The following RIMKLB variants were observed in gnomAD, a reference collection of about 807,000 sequenced individuals.
RIMKLB encodes the protein beta-citrylglutamate synthase B.
A neutral mutation model predicts 32.0 loss-of-function variants in RIMKLB; 7 were observed. That is an observed-to-expected ratio of 0.22 (90% CI 0.12 to 0.41). The LOEUF is 0.41. Ranked by LOEUF, RIMKLB falls within the 10% of genes least tolerant of loss-of-function variation. The pLI is 1.00. For missense variants in RIMKLB, 289 were observed against 498.7 expected, an observed-to-expected ratio of 0.58 and a Z score of 4.00; for synonymous variants, 172 against 185.1, an observed-to-expected ratio of 0.93 and a Z score of 0.57.
intron 5 of RIMKLB, 131 bp downstream of exon 5, chr12:8,754,224 G>T: frequency 1.5e-6 from 1 of 656,094 alleles, no homozygotes; most frequent in Non-Finnish European, 2.7e-6. Context: ...ATGTAAATAT[G>T]ATTTTTACAC....
chr12:8,742,056 A>G (rs755718531), intron 2 of RIMKLB, among the ~76,000 whole-genome samples: 4 of 151,340 alleles, frequency 2.6e-5, no homozygotes, highest in South Asian at 2.1e-4. Context: ...ATGCGCCACC[A>G]TGCCCACCTA....
chr12:8,772,824 G>A (rs1294238527), intron 5 of RIMKLB, among the ~76,000 whole-genome samples: 1 of 152,206 alleles, frequency 6.6e-6, no homozygotes, highest in African/African-American at 2.4e-5. Context: ...CAAGGCCAAA[G>A]ACTTCACTTA....
At chr12:8,780,495 GA>G (rs1396864082), downstream of RIMKLB, 1 of 152,156 alleles carries the variant, frequency 6.6e-6, no homozygotes, top group Admixed American at 6.5e-5. Context: ...GCAAAAATAC[GA>G]AATGTTAAAC....
intron 1 of RIMKLB, among the ~76,000 whole-genome samples, chr12:8,710,064 G>C (rs915729941): frequency 6.6e-6 from 1 of 151,950 alleles, no homozygotes; most frequent in Non-Finnish European, 1.5e-5. Flanking sequence ...TGGGGTCACT[G>C]CAGTTTCGAC....
chr12:8,677,248 C>T (rs1010249014), upstream of RIMKLB, among the ~76,000 whole-genome samples: 3 of 152,170 alleles, frequency 2.0e-5, no homozygotes, highest in Non-Finnish European at 4.4e-5. Context: ...TCTTCCCGCA[C>T]AGTGCACCCC....
At chr12:8,756,878 G>T (rs1949082733) in intron 5 of RIMKLB, among the ~76,000 whole-genome samples, 1 of 151,810 alleles carries the variant, frequency 6.6e-6, no homozygotes, top group South Asian at 2.1e-4. Context: ...TTTTAGTAGA[G>T]ATGGGGTTTC....
Position 8,684,120 on chromosome 12 carries a change from T to C in RIMKLB, n.219+2302T>C, listed in dbSNP as rs533403433. Among the ~76,000 whole-genome samples the C allele has an allele frequency of 2.6e-5, 4 of 152,206 alleles. No homozygotes were observed. The South Asian group carries it at 8.3e-4, about 31-fold the overall frequency. On this transcript the variant is annotated intron_variant and non_coding_transcript_variant, in intron 1 of 1. Coordinates refer to the RIMKLB transcript ENST00000538758. ...TTATCTCTAAGTTCTTTCAAAGGAT[T>C]ATGCCTTTGGTGTCGTATCTAAAAA...
chr12:8,751,753 A>G (rs1474413264), intron 3 of RIMKLB, among the ~76,000 whole-genome samples: 3 of 152,194 alleles, frequency 2.0e-5, no homozygotes, highest in African/African-American at 4.8e-5. Flanking sequence ...CAGAATATGT[A>G]TAGATTAAGG....
chr12:8,778,037 T>C (rs1950833589), downstream of RIMKLB, among the ~76,000 whole-genome samples: 1 of 152,212 alleles, frequency 6.6e-6, no homozygotes, highest in Admixed American at 6.5e-5. Flanking sequence ...TTTAGATGAC[T>C]CCATTTCTTG....
chr12:8,774,455 G>A lies in RIMKLB; in HGVS notation c.*671G>A. Reference sequence around the variant, plus strand: ...GAAATGAACAGTATTGCAATGTCCGGTATACAAAATAACATTAATTCAATG... The same window carrying A: ...GAAATGAACAGTATTGCAATGTCCGATATACAAAATAACATTAATTCAATG... On this transcript the variant is annotated 3_prime_UTR_variant, in exon 6 of 6. Coordinates refer to ENST00000535829, the MANE Select transcript of RIMKLB (RefSeq NM_001297776.2). 3.0e-6 allele frequency: 3 copies of A among 985,278 alleles called. No individual in the cohort carries two copies. Among genetic ancestry groups the A allele is most frequent in the Non-Finnish European group, 3.6e-6 (3 of 829,534 alleles). The allele number at this position is 985,278 out of a possible 1,614,324, so 61.0% of individuals were successfully genotyped here. A position where few individuals can be genotyped will look rare whatever the true frequency, so the allele number is the denominator to read the frequency against.
At chr12:8,777,444 T>C, downstream of RIMKLB, 3 of 1,087,194 alleles carry the variant, frequency 2.8e-6, no homozygotes, top group Non-Finnish European at 3.4e-6. Context: ...TTTGCCATGC[T>C]GTTTTGGGGT....
chr12:8,719,358 T>G (rs994873340), intron 2 of RIMKLB, among the ~76,000 whole-genome samples: 1 of 152,044 alleles, frequency 6.6e-6, no homozygotes, highest in African/African-American at 2.4e-5. Flanking sequence ...TTAAGCTGGG[T>G]TTTTTTGTTT....
intron 1 of RIMKLB, among the ~76,000 whole-genome samples, chr12:8,707,900 A>G (rs952663574): frequency 1.2e-4 from 18 of 152,216 alleles, no homozygotes; most frequent in African/African-American, 3.9e-4. Flanking sequence ...AAGAGGGGAT[A>G]GTGTTGAAAA....
intron 1 of RIMKLB, among the ~76,000 whole-genome samples, chr12:8,711,063 T>C (rs148995143): frequency 0.025 from 3,812 of 150,250 alleles, 156 homozygotes; most frequent in African/African-American, 0.088. Flanking sequence ...CCATATCTAC[T>C]AAAAAGAGAA....
chr12:8,757,143 A>ATGTAGTATTTACATGAGAT (rs1949108396), intron 5 of RIMKLB, among the ~76,000 whole-genome samples: 1 of 152,130 alleles, frequency 6.6e-6, no homozygotes, highest in Non-Finnish European at 1.5e-5. Flanking sequence ...TTGAGATTTA[A>ATGTAGTATTTACATGAGAT]TTAATAGTTA....
intron 5 of RIMKLB, among the ~76,000 whole-genome samples, chr12:8,756,652 A>G (rs1438218569): frequency 6.6e-6 from 1 of 150,802 alleles, no homozygotes; most frequent in African/African-American, 2.4e-5. Context: ...TGAAGATTTG[A>G]AAGATATTGG....
chr12:8,775,145 T>C lies in RIMKLB; in HGVS notation c.*1361T>C. On this transcript the variant is annotated 3_prime_UTR_variant, in exon 6 of 6. Coordinates refer to ENST00000535829, the MANE Select transcript of RIMKLB (RefSeq NM_001297776.2). The stretch of plus-strand genomic sequence containing the variant: ...TTTCTAGCCTGTTCAGTGTACAGTT[T>C]ATTCAAGGCTACATGCTTTTCTTTA... The C allele has an allele frequency of 2.0e-6, 2 of 985,722 alleles. No homozygotes were observed. The highest frequency in any genetic ancestry group is 5.2e-4 in the Middle Eastern group (1 of 1,914). The allele number at this position is 985,722 out of a possible 1,614,324, so 61.1% of individuals were successfully genotyped here. A position where few individuals can be genotyped will look rare whatever the true frequency, so the allele number is the denominator to read the frequency against.
At chr12:8,763,289 G>T (rs1165880557) in intron 5 of RIMKLB, among the ~76,000 whole-genome samples, 7 of 152,024 alleles carry the variant, frequency 4.6e-5, no homozygotes, top group African/African-American at 1.7e-4. Context: ...TTTTTTTTCT[G>T]TTACATGTAA....
intron 5 of RIMKLB, among the ~76,000 whole-genome samples, chr12:8,767,646 A>G (rs754676159): frequency 9.2e-5 from 14 of 152,252 alleles, no homozygotes; most frequent in African/African-American, 3.4e-4. Flanking sequence ...CATGATCTCA[A>G]CCGGCTAACA....
Sources: gnomAD v4.1 joint callset for allele counts (sites outside exome capture counted in the v4.1 genomes callset) on GRCh38, gnomAD v4.1.1 for gene constraint, MANE v1.5 for transcripts, NCBI Gene and HGNC (gene_info 2026-07-23, HGNC 2026-07-21) for gene names.